WDFY4: variants seen among roughly 807,000 people sequenced by gnomAD.
WDFY4 encodes the protein WDFY family member 4.
In WDFY4, 169 loss-of-function variants were observed where a neutral mutation model predicts 351.9. The observed-to-expected ratio is 0.48, with a 90% CI of 0.42 to 0.55. WDFY4 has a LOEUF of 0.55. Among genes scored for constraint, WDFY4 ranks in the 20% least tolerant of loss-of-function variants. The pLI is 0.00. For missense variants in WDFY4, 3,803 were observed against 3,935.6 expected (o/e 0.97, Z 0.90); for synonymous variants, 1,622 against 1,574.6 (o/e 1.03, Z -0.71).
At chr10:48,979,537 G>T (rs1182158723) in intron 60 of WDFY4, 13 of 152,142 alleles carry the variant, frequency 8.5e-5, no homozygotes, top group African/African-American at 3.1e-4. Context: ...AAAGAATGCT[G>T]GATGGATGGG....
chr10:48,717,648 T>A (rs1025855563), intron 2 of WDFY4, among the ~76,000 whole-genome samples: 2 of 152,246 alleles, frequency 1.3e-5, no homozygotes, highest in Non-Finnish European at 2.9e-5. Context: ...CAGGTTTTTA[T>A]AGACTCATAC....
chr10:48,810,213 G>C (rs2132912400), intron 28 of WDFY4, among the ~76,000 whole-genome samples: 1 of 152,290 alleles, frequency 6.6e-6, no homozygotes, highest in East Asian at 1.9e-4. Context: ...GTCATCCACT[G>C]TGTAAGTATG....
chr10:48,978,475 C>A, intron 60 of WDFY4, 82 bp downstream of exon 60: 1 of 1,332,092 alleles, frequency 7.5e-7, no homozygotes, highest in South Asian at 1.5e-5. Context: ...AGCCCAAGGG[C>A]TGCAGCTCCT....
At chr10:48,719,156 G>A (rs907855448) in intron 2 of WDFY4, among the ~76,000 whole-genome samples, 3 of 152,136 alleles carry the variant, frequency 2.0e-5, no homozygotes, top group African/African-American at 7.2e-5. Flanking sequence ...AAGACAAAAT[G>A]ACAAACTCAA....
Position 48,970,164 on chromosome 10 carries a change from GGCC to G in WDFY4, c.8806_8808del (p.Arg2936del). On this transcript the variant is annotated inframe_deletion, in exon 57 of 62. Transcript: ENST00000325239. ...GACATTCGAGAACCTGGCTGCCTGGGGCCGCTGTCTGTGCGCCGTGTGCCCATC... is the reference window on the plus strand; with the variant it reads ...GACATTCGAGAACCTGGCTGCCTGGGGCTGTCTGTGCGCCGTGTGCCCATC... The G allele has an allele frequency of 1.3e-6, 2 of 1,551,630 alleles. No individual in the cohort carries two copies. The highest frequency in any genetic ancestry group is 1.7e-6 in the Non-Finnish European group (2 of 1,146,998).
At chr10:48,979,281 A>G (rs967065743) in intron 60 of WDFY4, among the ~76,000 whole-genome samples, 1 of 152,220 alleles carries the variant, frequency 6.6e-6, no homozygotes, top group Non-Finnish European at 1.5e-5. Flanking sequence ...GTGAAAGGAC[A>G]GAAGTGTGTG....
chr10:48,796,293 T>C lies in WDFY4; in HGVS notation c.4258-5T>C. On this transcript the variant is annotated splice_polypyrimidine_tract_variant and splice_region_variant and intron_variant, in intron 23 of 61. Transcript: ENST00000325239. Reference sequence around the variant, plus strand: ...GAGGAAACTGCTTTGTGTTAACCTTTTCAGATAATGGCGTTTCTCCTGAGG... The same window carrying C: ...GAGGAAACTGCTTTGTGTTAACCTTCTCAGATAATGGCGTTTCTCCTGAGG... 1 of 1,551,204 alleles carries C rather than the reference T, an allele frequency of 6.4e-7. No individual in the cohort carries two copies. The highest frequency in any genetic ancestry group is 8.7e-7 in the Non-Finnish European group (1 of 1,146,594).
rs530857651 is a variant in WDFY4, at chr10:48,831,756, G to A, written c.6527-817G>A. On this transcript the variant is annotated intron_variant, in intron 38 of 61. Coordinates refer to ENST00000325239, the MANE Select transcript of WDFY4 (RefSeq NM_001394531.1). ...GTAGATCTGGTGCCTGCTGAGGGCT[G>A]TGTCTGGCATCTGCTTCTAAGATGG... Among the ~76,000 whole-genome samples, 116 of 152,346 alleles carry A rather than the reference G, an allele frequency of 7.6e-4. 1 individual carries two copies. The highest frequency in any genetic ancestry group is 2.6e-3 in the African/African-American group (108 of 41,582).
At position 48,830,738 on chromosome 10, in the gene WDFY4, C is replaced by A. The variant is rs1473164422; in HGVS notation, c.6379C>A (p.Gln2127Lys). Residue 2127 changes from glutamine to lysine, a missense_variant, in exon 38 of 62, where the codon CAG becomes AAG. Physicochemically the swap from Gln to Lys is moderately conservative, Grantham distance 53 (BLOSUM62 1). Around this residue, in one of 3 missense-constraint regions of WDFY4, gnomAD observed 3,054 missense variants for 3,148.6 expected, o/e 0.97. Coordinates refer to ENST00000325239, the MANE Select transcript of WDFY4 (RefSeq NM_001394531.1). ...CCAGAAGACAGTGCAGACTCTCTGG[C>A]AGCAGCTGGTGGCACAAAGGCAGCA... ...NIQKTVQTLWQQLVAQRQQTL... is the reference protein window; with the variant it reads ...NIQKTVQTLWKQLVAQRQQTL... The A allele has an allele frequency of 6.4e-7, 1 of 1,551,658 alleles. No homozygotes were observed. The highest frequency in any genetic ancestry group is 2.0e-5 in the Admixed American group (1 of 51,012).
intron 35 of WDFY4, 83 bp from the exon 36 acceptor site, chr10:48,826,588 A>G: frequency 9.3e-7 from 1 of 1,078,264 alleles, no homozygotes; most frequent in Non-Finnish European, 1.4e-6. Flanking sequence ...TGATTATACT[A>G]TTTTTGTGGT....
At chr10:48,951,214 C>T (rs1841305878) in intron 51 of WDFY4, among the ~76,000 whole-genome samples, 1 of 152,188 alleles carries the variant, frequency 6.6e-6, no homozygotes, top group African/African-American at 2.4e-5. Flanking sequence ...CCTGTTATTA[C>T]AATAAGATTT....
chr10:48,694,153 G>A (rs546517248), intron 1 of WDFY4, among the ~76,000 whole-genome samples: 5 of 152,260 alleles, frequency 3.3e-5, no homozygotes, highest in East Asian at 1.9e-4. Flanking sequence ...ACCTTAGCAC[G>A]TGAGATATAA....
intron 35 of WDFY4, among the ~76,000 whole-genome samples, chr10:48,824,858 C>A (rs1194350339): frequency 6.6e-6 from 1 of 152,146 alleles, no homozygotes; most frequent in East Asian, 1.9e-4. Flanking sequence ...GCTGCCCAGA[C>A]TGGTCTTGAA....
At chr10:48,772,474 A>G (rs1232004078) in intron 13 of WDFY4, among the ~76,000 whole-genome samples, 4 of 138,166 alleles carry the variant, frequency 2.9e-5, no homozygotes, top group African/African-American at 1.1e-4. Flanking sequence ...GTAGGGCTCC[A>G]TGGCCCCTGG....
At chr10:48,920,812 A>G (rs1434620100) in intron 47 of WDFY4, among the ~76,000 whole-genome samples, 1 of 152,254 alleles carries the variant, frequency 6.6e-6, no homozygotes, top group African/African-American at 2.4e-5. Context: ...TAGCAAGGCC[A>G]TAGGATACAA....
chr10:48,923,520 A>ATATAT (rs1839305652), intron 47 of WDFY4, among the ~76,000 whole-genome samples: 1 of 99,730 alleles, frequency 1.0e-5, no homozygotes, highest in African/African-American at 2.9e-5. Flanking sequence ...ATATGTCCCA[A>ATATAT]ATACCGCATA....
At chr10:48,828,647 A>G in intron 36 of WDFY4, 131 bp from the exon 37 acceptor site, 1 of 566,064 alleles carries the variant, frequency 1.8e-6, no homozygotes, top group Non-Finnish European at 3.0e-6. Flanking sequence ...CTTTAATTTG[A>G]TTAGGCAAGT....
intron 25 of WDFY4, among the ~76,000 whole-genome samples, chr10:48,803,919 G>A (rs1449772759): frequency 6.6e-6 from 1 of 152,136 alleles, no homozygotes; most frequent in Non-Finnish European, 1.5e-5. Context: ...CAGTCTTCAG[G>A]TTGCCCGGGC....
chr10:48,689,923 T>G (rs1255101900), intron 1 of WDFY4, among the ~76,000 whole-genome samples: 4 of 152,242 alleles, frequency 2.6e-5, no homozygotes, highest in Non-Finnish European at 5.9e-5. Flanking sequence ...TGTAAGGTTC[T>G]TTGCCCTTGA....
Sources: gnomAD v4.1 joint callset for allele counts (sites outside exome capture counted in the v4.1 genomes callset) on GRCh38, gnomAD v4.1.1 for gene constraint, gnomAD v4.1.1 regional missense constraint, MANE v1.5 for transcripts, NCBI Gene and HGNC (gene_info 2026-07-23, HGNC 2026-07-21) for gene names.